TMEM135: variants seen among roughly 807,000 people sequenced by gnomAD.
TMEM135 encodes the protein transmembrane protein 135, also known as peroxisomal membrane protein 52.
In TMEM135, 30 loss-of-function variants were observed where a neutral mutation model predicts 60.3. The ratio of observed to expected loss-of-function variants is 0.50; its 90% confidence interval spans 0.37 to 0.68. TMEM135 has a LOEUF of 0.68. Ranked by LOEUF, TMEM135 falls within the 30% of genes least tolerant of loss-of-function variation. The pLI is 0.00. For missense variants in TMEM135, 468 were observed against 548.8 expected, an observed-to-expected ratio of 0.85 and a Z score of 1.47; for synonymous variants, 190 against 186.7, an observed-to-expected ratio of 1.02 and a Z score of -0.14.
intron 4 of TMEM135, among the ~76,000 whole-genome samples, chr11:87,118,595 C>T (rs1472443758): frequency 1.3e-5 from 2 of 152,028 alleles, no homozygotes; most frequent in African/African-American, 4.8e-5. Context: ...ATAACAGGTG[C>T]CTGCCACCAT....
chr11:87,109,990 C>G (rs1412588002), intron 4 of TMEM135, among the ~76,000 whole-genome samples: 1 of 152,126 alleles, frequency 6.6e-6, no homozygotes, highest in African/African-American at 2.4e-5. Context: ...AACAGAATGA[C>G]TTCCTCTGGG....
At chr11:87,090,515 T>C (rs1484046603) in intron 3 of TMEM135, among the ~76,000 whole-genome samples, 1 of 152,100 alleles carries the variant, frequency 6.6e-6, no homozygotes, top group Non-Finnish European at 1.5e-5. Flanking sequence ...TTGGTACTTT[T>C]TATATATATT....
intron 5 of TMEM135, among the ~76,000 whole-genome samples, chr11:87,235,324 T>C (rs1171508993): frequency 6.6e-6 from 1 of 151,246 alleles, no homozygotes; most frequent in Non-Finnish European, 1.5e-5. Flanking sequence ...GTATGTGTGT[T>C]TAGCACAGAA....
intron 6 of TMEM135, among the ~76,000 whole-genome samples, chr11:87,259,876 A>AT (rs1941611974): frequency 6.6e-6 from 1 of 151,992 alleles, no homozygotes; most frequent in East Asian, 1.9e-4. Context: ...TCCCTTTTTT[A>AT]TTTTCCCTTG....
At chr11:87,208,748 C>G (rs1388704276) in intron 5 of TMEM135, among the ~76,000 whole-genome samples, 1 of 152,096 alleles carries the variant, frequency 6.6e-6, no homozygotes. Context: ...ACAACCATCT[C>G]CAAGACATAT....
intron 7 of TMEM135, among the ~76,000 whole-genome samples, chr11:87,300,835 C>T (rs1361493368): frequency 6.6e-6 from 1 of 152,192 alleles, no homozygotes; most frequent in Non-Finnish European, 1.5e-5. Flanking sequence ...TCTCCTAGCA[C>T]AGAAGAAAGA....
At chr11:87,288,510 A>G (rs1942208347) in intron 6 of TMEM135, among the ~76,000 whole-genome samples, 1 of 152,180 alleles carries the variant, frequency 6.6e-6, no homozygotes, top group African/African-American at 2.4e-5. Context: ...GGCTAGTGAG[A>G]TCATTTCTCT....
Position 87,326,201 on chromosome 11 carries a change from C to T in TMEM135, c.*4868C>T, listed in dbSNP as rs915397342. On this transcript the variant is annotated 3_prime_UTR_variant, in exon 15 of 15. Coordinates refer to ENST00000305494, the MANE Select transcript of TMEM135 (RefSeq NM_022918.4). The stretch of plus-strand genomic sequence containing the variant: ...TCAGACCGTGGATAATAGGATGTTC[C>T]CTGGTCTTGGCATAGAGGCCATAGG... 6.6e-6 allele frequency: 3 copies of T among 453,828 alleles called. No individual in the cohort carries two copies. Among genetic ancestry groups the T allele is most frequent in the Non-Finnish European group, 1.3e-5 (3 of 226,778 alleles). The allele number at this position is 453,828 out of a possible 1,614,324, so 28.1% of individuals were successfully genotyped here. A position where few individuals can be genotyped will look rare whatever the true frequency, so the allele number is the denominator to read the frequency against.
In TMEM135 at chr11:87,324,257, C is replaced by G. The variant is rs1298033600; in HGVS notation, c.*2924C>G. 2.2e-6 allele frequency: 1 copy of G among 454,044 alleles called. No homozygotes were observed. Among genetic ancestry groups the G allele is most frequent in the Admixed American group, 2.3e-5 (1 of 42,564 alleles). 28.1% of individuals were successfully genotyped at this position (454,044 alleles called of 1,614,324 possible). On this transcript the variant is annotated 3_prime_UTR_variant, in exon 15 of 15. Coordinates refer to ENST00000305494, the MANE Select transcript of TMEM135 (RefSeq NM_022918.4). ...GTAATGAAAAGCAATGTCCTTTACT[C>G]TCAGGGAGCTTCGTCCACTTGCCTG... is the stretch of plus-strand genomic sequence containing the variant.
chr11:87,126,517 T>C (rs1451088992), intron 4 of TMEM135, among the ~76,000 whole-genome samples: 3 of 151,964 alleles, frequency 2.0e-5, no homozygotes, highest in African/African-American at 7.2e-5. Context: ...TGTGTTCTTT[T>C]TTTTGGAAGG....
At chr11:87,278,984 A>AT (rs34112632) in intron 6 of TMEM135, among the ~76,000 whole-genome samples, 11,411 of 148,324 alleles carry the variant, frequency 0.077, 464 homozygotes, top group South Asian at 0.11. Context: ...GCTTCTCAGC[A>AT]TTTTTTTTTT....
In TMEM135 at chr11:87,326,655, C is replaced by G. The variant is rs1476950609; in HGVS notation, c.*5322C>G. The G allele has an allele frequency of 4.4e-6, 2 of 453,864 alleles. No individual in the cohort carries two copies. The highest frequency in any genetic ancestry group is 4.0e-5 in the African/African-American group (2 of 49,956). The allele number at this position is 453,864 out of a possible 1,614,324, so 28.1% of individuals were successfully genotyped here. On this transcript the variant is annotated 3_prime_UTR_variant, in exon 15 of 15. Transcript: ENST00000305494. Reference sequence around the variant, plus strand: ...CCTGGCCCATGCTTTCCTGCCATATCTTTGCTATGTATTTCTTCATCTTGA... The same window carrying G: ...CCTGGCCCATGCTTTCCTGCCATATGTTTGCTATGTATTTCTTCATCTTGA...
At position 87,133,744 on chromosome 11, in the gene TMEM135, A is replaced by T. The variant is rs1209906337; in HGVS notation, c.397-23597A>T. 2.0e-5 allele frequency among the ~76,000 whole-genome samples: 3 copies of T among 152,046 alleles called. No homozygotes were observed. The East Asian group carries it at 5.8e-4, about 29-fold the overall frequency. On this transcript the variant is annotated intron_variant, in intron 4 of 14. Coordinates refer to ENST00000305494, the MANE Select transcript of TMEM135 (RefSeq NM_022918.4). ...AACCACTGATCTGCTGTCACCATGG[A>T]TTAGTTTGCATTTTCTGGAGTTTTA...
chr11:87,258,987 A>G (rs959304860), intron 6 of TMEM135: 1 of 1,528,262 alleles, frequency 6.5e-7, no homozygotes, highest in Admixed American at 1.7e-5. Flanking sequence ...AGACAACGGG[A>G]AGAACCAGGA....
intron 1 of TMEM135, among the ~76,000 whole-genome samples, chr11:87,054,183 C>G: frequency 6.6e-6 from 1 of 151,952 alleles, no homozygotes; most frequent in East Asian, 1.9e-4. Context: ...ACCTGTAATC[C>G]CAGCACTTTG....
intron 5 of TMEM135, among the ~76,000 whole-genome samples, chr11:87,199,717 G>A (rs1164990715): frequency 1.3e-5 from 2 of 152,074 alleles, no homozygotes; most frequent in Non-Finnish European, 2.9e-5. Flanking sequence ...ATCACCTGAG[G>A]TCAGGAGTTC....
chr11:87,248,624 T>C (rs1591137863), intron 6 of TMEM135, among the ~76,000 whole-genome samples: 1 of 88,186 alleles, frequency 1.1e-5, no homozygotes, highest in South Asian at 3.7e-4. Context: ...ATATAAATTA[T>C]ATGATTTTTT....
rs1280775082 is a variant in TMEM135 at position 87,080,169 on chromosome 11, T to TG, written c.362+8554_362+8555insG. 1.2e-3 allele frequency among the ~76,000 whole-genome samples: 59 copies of TG among 49,022 alleles called. 2 individuals are homozygous for TG. The highest frequency in any genetic ancestry group is 0.01 in the Middle Eastern group (1 of 96). The allele number at this position is 49,022 out of a possible 152,430, so 32.2% of individuals were successfully genotyped here. ...TTTCTTCTTTTGCCTGTTTGCAGTGTTTTTTTTTTTTTTTTTGATATCAAC... is the reference window on the plus strand; with the variant it reads ...TTTCTTCTTTTGCCTGTTTGCAGTGTGTTTTTTTTTTTTTTTTGATATCAAC... On this transcript the variant is annotated intron_variant, in intron 3 of 14. Coordinates refer to ENST00000305494, the MANE Select transcript of TMEM135 (RefSeq NM_022918.4).
chr11:87,283,788 G>A (rs147789664), intron 6 of TMEM135, among the ~76,000 whole-genome samples: 2,388 of 152,310 alleles, frequency 0.016, 26 homozygotes, highest in Non-Finnish European at 0.023. Context: ...AACTTGGGTG[G>A]TGGAGGTTGC....
Sources: allele counts gnomAD v4.1 joint callset (sites outside exome capture counted in the v4.1 genomes callset), GRCh38; gene constraint gnomAD v4.1.1; transcripts MANE v1.5; gene names NCBI Gene and HGNC (gene_info 2026-07-23, HGNC 2026-07-21).